FBXL17: variants seen among roughly 807,000 people sequenced by gnomAD.
FBXL17 encodes the protein F-box/LRR-repeat protein 17.
In FBXL17, 22 loss-of-function variants were observed where a neutral mutation model predicts 66.2. That is an observed-to-expected ratio of 0.33 (90% CI 0.24 to 0.47). The LOEUF is 0.47. Ranked by LOEUF, FBXL17 falls within the 20% of genes least tolerant of loss-of-function variation. FBXL17 has a pLI of 1.00. For synonymous variants in FBXL17, 474 were observed against 400.5 expected (o/e 1.18, Z -2.19); for missense variants, 878 against 948.2 (o/e 0.93, Z 0.97).
At chr5:108,135,308 T>G (rs1751091317) in intron 6 of FBXL17, among the ~76,000 whole-genome samples, 1 of 152,106 alleles carries the variant, frequency 6.6e-6, no homozygotes, top group African/African-American at 2.4e-5. Flanking sequence ...GGGAAAACTT[T>G]CAATACGAAC....
chr5:108,148,765 A>G (rs1751655781), intron 6 of FBXL17, among the ~76,000 whole-genome samples: 2 of 152,216 alleles, frequency 1.3e-5, no homozygotes, highest in South Asian at 4.1e-4. Context: ...CACAGGACAC[A>G]TCAGGCCAAG....
At chr5:108,204,197 C>A (rs1754015736) in intron 5 of FBXL17, among the ~76,000 whole-genome samples, 1 of 151,774 alleles carries the variant, frequency 6.6e-6, no homozygotes, top group African/African-American at 2.4e-5. Context: ...AATATAAGGT[C>A]TTTTCTTTTT....
chr5:108,100,432 T>C (rs1377772433), intron 6 of FBXL17, among the ~76,000 whole-genome samples: 2 of 152,210 alleles, frequency 1.3e-5, no homozygotes, highest in African/African-American at 4.8e-5. Context: ...TATTTATCCT[T>C]ACATCAAACT....
At chr5:108,201,439 T>C (rs558907512) in intron 5 of FBXL17, among the ~76,000 whole-genome samples, 11 of 152,242 alleles carry the variant, frequency 7.2e-5, no homozygotes, top group African/African-American at 2.2e-4. Flanking sequence ...TGAAATAAGA[T>C]AGTTTAATTA....
At position 108,159,329 on chromosome 5, in the gene FBXL17, G is replaced by A. The variant is rs149856307; in HGVS notation, c.1745+26788C>T. 1.2e-3 allele frequency among the ~76,000 whole-genome samples: 185 copies of A among 152,240 alleles called. 1 individual carries two copies. Among genetic ancestry groups the A allele is most frequent in the African/African-American group, 3.8e-3 (159 of 41,536 alleles). On this transcript the variant is annotated intron_variant, in intron 6 of 8. Coordinates refer to ENST00000542267, the MANE Select transcript of FBXL17 (RefSeq NM_001163315.3). ...CAACCTTTCAGATCTGTAATAATCC[G>A]TTGATAGTGTGATACAACCTGCATA... is the stretch of plus-strand genomic sequence containing the variant.
intron 6 of FBXL17, among the ~76,000 whole-genome samples, chr5:108,143,264 A>G (rs1195811311): frequency 6.6e-6 from 1 of 152,010 alleles, no homozygotes; most frequent in Non-Finnish European, 1.5e-5. Context: ...AGATCCCACC[A>G]TGCAAAATTA....
chr5:108,027,966 G>A (rs1470742218), intron 6 of FBXL17, among the ~76,000 whole-genome samples: 5 of 152,030 alleles, frequency 3.3e-5, no homozygotes, highest in South Asian at 2.1e-4. Flanking sequence ...TCCAGATACT[G>A]TAAAATTTTG....
intron 6 of FBXL17, among the ~76,000 whole-genome samples, chr5:108,025,706 C>CAA (rs753710666): frequency 7.5e-4 from 69 of 91,830 alleles, no homozygotes; most frequent in African/African-American, 2.9e-3. Context: ...CACACACAAA[C>CAA]ACACACACAC....
chr5:108,287,729 C>T (rs1757955402), intron 4 of FBXL17, among the ~76,000 whole-genome samples: 1 of 151,934 alleles, frequency 6.6e-6, no homozygotes, highest in Non-Finnish European at 1.5e-5. Context: ...AGACTCAAAG[C>T]AGAACTATCA....
intron 6 of FBXL17, among the ~76,000 whole-genome samples, chr5:108,090,312 CCA>C (rs1443081303): frequency 6.6e-6 from 1 of 152,172 alleles, no homozygotes; most frequent in Admixed American, 6.5e-5. Flanking sequence ...CCTCAGTCTT[CCA>C]CATTTTCTCC....
chr5:108,034,226 C>G (rs1198915592), intron 6 of FBXL17, among the ~76,000 whole-genome samples: 1 of 152,178 alleles, frequency 6.6e-6, no homozygotes, highest in East Asian at 1.9e-4. Flanking sequence ...TAGTTCTCCA[C>G]TTTATCTCTA....
intron 7 of FBXL17, among the ~76,000 whole-genome samples, chr5:107,914,912 C>T (rs62361079): frequency 0.25 from 37,260 of 152,060 alleles, 5,755 homozygotes; most frequent in Admixed American, 0.42. Flanking sequence ...ATAAACCTCC[C>T]TTCTTTGTTT....
intron 6 of FBXL17, among the ~76,000 whole-genome samples, chr5:108,124,571 C>G (rs542882680): frequency 6.6e-6 from 1 of 152,192 alleles, no homozygotes; most frequent in East Asian, 1.9e-4. Context: ...TGCAATAGTA[C>G]TGAAAACATT....
intron 7 of FBXL17, among the ~76,000 whole-genome samples, chr5:107,958,060 C>T (rs116515781): frequency 2.1e-3 from 325 of 151,378 alleles, no homozygotes; most frequent in African/African-American, 7.6e-3. Context: ...AGTTCAATGG[C>T]CATGTAATAC....
Position 107,881,079 on chromosome 5 carries a change from G to A in FBXL17, c.1923C>T (p.Ser641=). 1.2e-6 allele frequency: 2 copies of A among 1,613,960 alleles called. No individual in the cohort carries two copies. The highest frequency in any genetic ancestry group is 1.7e-6 in the Non-Finnish European group (2 of 1,179,866). ...GCCCCAAATATCTCAGAGACTTGCT[G>A]CTCTGTGCAATCAGGGTGGCTCCTT... is the stretch of plus-strand genomic sequence containing the variant. ...TDQGATLIAQ[S]SKSLRYLGLM... The change falls in exon 8 of 9, where the codon AGC becomes AGT. Residue 641 remains serine (S), a synonymous_variant. Transcript: ENST00000542267.
At chr5:107,957,695 C>G (rs28520800) in intron 7 of FBXL17, among the ~76,000 whole-genome samples, 14,543 of 152,146 alleles carry the variant, frequency 0.096, 731 homozygotes, top group South Asian at 0.13. Context: ...CCAAACACTG[C>G]ACAAACACAT....
At chr5:108,068,875 A>T (rs571979414) in intron 6 of FBXL17, among the ~76,000 whole-genome samples, 1 of 152,350 alleles carries the variant, frequency 6.6e-6, no homozygotes, top group South Asian at 2.1e-4. Flanking sequence ...ACACTGACAC[A>T]GTTTAAAACA....
At chr5:108,291,673 C>T (rs962967394) in intron 4 of FBXL17, among the ~76,000 whole-genome samples, 3 of 152,150 alleles carry the variant, frequency 2.0e-5, no homozygotes, top group African/African-American at 4.8e-5. Context: ...CATCCAACTG[C>T]GTACTAGACA....
chr5:107,867,925 C>T (rs757799330), intron 8 of FBXL17, among the ~76,000 whole-genome samples: 1 of 152,184 alleles, frequency 6.6e-6, no homozygotes, highest in African/African-American at 2.4e-5. Flanking sequence ...GACAATCAAA[C>T]GCTTCTCTTC....
Sources: allele counts gnomAD v4.1 joint callset (sites outside exome capture counted in the v4.1 genomes callset), GRCh38; gene constraint gnomAD v4.1.1; transcripts MANE v1.5; gene names NCBI Gene and HGNC (gene_info 2026-07-23, HGNC 2026-07-21).